BARD1: variants seen among roughly 807,000 people sequenced by gnomAD.
The protein encoded by BARD1 is BRCA1 associated RING domain 1.
BARD1 carries 73 observed loss-of-function variants against 77.0 expected under a neutral mutation model. That is an observed-to-expected ratio of 0.95 (90% CI 0.79 to 1.15). BARD1 has a LOEUF of 1.15. Ranked by LOEUF, BARD1 falls within the 50% of genes most tolerant of loss-of-function variation. The probability of loss-of-function intolerance (pLI) is 0.00; values close to 1 mark genes in which losing one functional copy is unlikely to be tolerated. For synonymous variants in BARD1, 384 were observed against 338.0 expected (o/e 1.14, Z -1.49); for missense variants, 993 against 938.8 (o/e 1.06, Z -0.75).
chr2:214,792,971 A>G (rs3754546), intron 2 of BARD1, among the ~76,000 whole-genome samples: 19,928 of 152,156 alleles, frequency 0.13, 1,572 homozygotes, highest in East Asian at 0.42. Context: ...CAGAGTTAGA[A>G]GAGTTTTTCT....
At chr2:214,770,842 T>A (rs1276859212) in intron 4 of BARD1, among the ~76,000 whole-genome samples, 1 of 152,212 alleles carries the variant, frequency 6.6e-6, no homozygotes, top group Non-Finnish European at 1.5e-5. Context: ...TCTTTTTTAT[T>A]TTCCTAGAAG....
intron 1 of BARD1, among the ~76,000 whole-genome samples, chr2:214,805,810 T>C (rs1223989693): frequency 1.3e-5 from 2 of 152,186 alleles, no homozygotes; most frequent in Non-Finnish European, 2.9e-5. Flanking sequence ...GATTACTTTC[T>C]AACTTTTCAT....
intron 9 of BARD1, among the ~76,000 whole-genome samples, chr2:214,738,701 TGA>T (rs1187432425): frequency 6.6e-6 from 1 of 152,004 alleles, no homozygotes; most frequent in East Asian, 1.9e-4. Flanking sequence ...ACAAAAATGA[TGA>T]GAGAATACAA....
At chr2:214,766,794 A>C (rs1694219805) in intron 6 of BARD1, among the ~76,000 whole-genome samples, 1 of 152,144 alleles carries the variant, frequency 6.6e-6, no homozygotes, top group African/African-American at 2.4e-5. Context: ...TATATTACTT[A>C]TTATCGTAGT....
At chr2:214,734,381 C>T (rs1331893498) in intron 9 of BARD1, among the ~76,000 whole-genome samples, 2 of 152,048 alleles carry the variant, frequency 1.3e-5, no homozygotes, top group Non-Finnish European at 2.9e-5. Flanking sequence ...TCCATTGTTA[C>T]TTCTCTGGGT....
At chr2:214,741,360 G>GA (rs34431271) in intron 9 of BARD1, among the ~76,000 whole-genome samples, 1 of 151,834 alleles carries the variant, frequency 6.6e-6, no homozygotes, top group Admixed American at 6.6e-5. Flanking sequence ...ATTTATTTTA[G>GA]AAAAAAAGGC....
chr2:214,736,828 T>G (rs1305224234), intron 9 of BARD1, among the ~76,000 whole-genome samples: 1 of 152,178 alleles, frequency 6.6e-6, no homozygotes, highest in African/African-American at 2.4e-5. Flanking sequence ...AGTAAGTTTC[T>G]GTAAAGTAAA....
chr2:214,730,234 C>A, intron 10 of BARD1, 177 bp downstream of exon 10: 2 of 628,458 alleles, frequency 3.2e-6, no homozygotes, highest in Non-Finnish European at 2.8e-6. Context: ...GAAATTATTA[C>A]CTTCTGGATT....
At chr2:214,792,772 A>C (rs1273241642) in intron 2 of BARD1, among the ~76,000 whole-genome samples, 1 of 152,156 alleles carries the variant, frequency 6.6e-6, no homozygotes. Flanking sequence ...GTGCATCCTA[A>C]CTTTTTCTAT....
At chr2:214,809,376 G>A (rs1380090298) in intron 1 of BARD1, 36 bp downstream of exon 1, 2 of 1,610,806 alleles carry the variant, frequency 1.2e-6, no homozygotes, top group Non-Finnish European at 8.5e-7. Flanking sequence ...TGCGACCCGT[G>A]CCCTCGCAGC....
chr2:214,731,014 C>A, intron 9 of BARD1: 1 of 421,540 alleles, frequency 2.4e-6, no homozygotes, highest in Non-Finnish European at 4.8e-6. Flanking sequence ...GCTCAGCTAG[C>A]CACACAACAG....
chr2:214,745,978 TA>T, intron 7 of BARD1, 124 bp from the exon 8 acceptor site: 1 of 1,180,696 alleles, frequency 8.5e-7, no homozygotes, highest in East Asian at 2.4e-5. Context: ...AATTTTCAAT[TA>T]TTTCCATTGA....
At chr2:214,786,569 A>G (rs1037775966) in intron 3 of BARD1, among the ~76,000 whole-genome samples, 3 of 151,946 alleles carry the variant, frequency 2.0e-5, no homozygotes, top group Admixed American at 6.6e-5. Context: ...GAAATGGGAA[A>G]CAGGCTTTGA....
At chr2:214,778,547 G>A (rs1034766885) in intron 4 of BARD1, among the ~76,000 whole-genome samples, 2 of 152,090 alleles carry the variant, frequency 1.3e-5, no homozygotes, top group East Asian at 1.9e-4. Flanking sequence ...CACCAAGACA[G>A]GAGCATGCCA....
chr2:214,789,712 C>T (rs971416554), intron 3 of BARD1, among the ~76,000 whole-genome samples: 3 of 151,996 alleles, frequency 2.0e-5, no homozygotes, highest in Admixed American at 1.3e-4. Flanking sequence ...AACACAACTG[C>T]CCTGTGTAGC....
intron 3 of BARD1, among the ~76,000 whole-genome samples, chr2:214,791,539 T>A (rs2106132509): frequency 2.0e-5 from 3 of 152,338 alleles, no homozygotes; most frequent in African/African-American, 7.2e-5. Flanking sequence ...TTTTACTTTC[T>A]TTCCACAGTT....
At chr2:214,767,042 T>G (rs1694235381) in intron 6 of BARD1, among the ~76,000 whole-genome samples, 1 of 152,166 alleles carries the variant, frequency 6.6e-6, no homozygotes, top group Admixed American at 6.6e-5. Context: ...ATTCTCATCA[T>G]TTAGCTCTCA....
rs369561166 is a variant in BARD1, at chr2:214,781,306, C to T, written c.568G>A (p.Asp190Asn). 196 of 1,611,434 alleles carry T rather than the reference C, an allele frequency of 1.2e-4. No individual in the cohort carries two copies. The highest frequency in any genetic ancestry group is 1.6e-4 in the Non-Finnish European group (183 of 1,179,486). Reference sequence around the variant, plus strand: ...GCCTTTTTAGCCCTCTCAGAAACATCTGCAGGAGGACTTGGGGAAACAAAT... The same window carrying T: ...GCCTTTTTAGCCCTCTCAGAAACATTTGCAGGAGGACTTGGGGAAACAAAT... Reference protein sequence around the residue: ...YEFVSPSPPADVSERAKKASA... With the variant: ...YEFVSPSPPANVSERAKKASA... Residue 190 changes from aspartate to asparagine, a missense_variant, in exon 4 of 11, where the codon GAT becomes AAT. By Grantham distance (23) the Asp-to-Asn change is conservative. Coordinates refer to ENST00000260947, the MANE Select transcript of BARD1 (RefSeq NM_000465.4).
chr2:214,741,482 CTA>C (rs1370339684), intron 9 of BARD1, among the ~76,000 whole-genome samples: 70 of 152,250 alleles, frequency 4.6e-4, no homozygotes, highest in African/African-American at 1.6e-3. Flanking sequence ...TATTCATACT[CTA>C]TGAGATTCGT....
Sources: allele counts gnomAD v4.1 joint callset (sites outside exome capture counted in the v4.1 genomes callset), GRCh38; gene constraint gnomAD v4.1.1; transcripts MANE v1.5; gene names NCBI Gene and HGNC (gene_info 2026-07-23, HGNC 2026-07-21).